Variants in TNFRSF4 observed in about 807,000 individuals in gnomAD.
TNFRSF4 encodes the protein TNF receptor superfamily member 4.
TNFRSF4 carries 21 observed loss-of-function variants against 29.5 expected under a neutral mutation model. That is an observed-to-expected ratio of 0.71 (90% CI 0.51 to 1.03). The LOEUF (loss-of-function observed/expected upper bound fraction) is 1.03, where lower values mean the gene tolerates loss of function less well. Among genes scored for constraint, TNFRSF4 ranks in the 50% least tolerant of loss-of-function variants. The probability of loss-of-function intolerance (pLI) is 0.00; values close to 1 mark genes in which losing one functional copy is unlikely to be tolerated. For missense variants in TNFRSF4, 408 were observed against 387.8 expected, an observed-to-expected ratio of 1.05 and a Z score of -0.44; for synonymous variants, 197 against 172.7, an observed-to-expected ratio of 1.14 and a Z score of -1.10.
At chr1:1,212,560 C>A in intron 4 of TNFRSF4, 78 bp downstream of exon 4, 1 of 696,112 alleles carries the variant, frequency 1.4e-6, no homozygotes, top group Non-Finnish European at 2.1e-6. Context: ...CAGCCCCTCC[C>A]AGCTCCCCAG....
rs979633294 is a variant in TNFRSF4 at position 1,212,198 on chromosome 1, G to A, written c.438-60C>T. The A allele has an allele frequency of 1.9e-6, 3 of 1,580,752 alleles. No individual in the cohort carries two copies. In the African/African-American group the frequency reaches 4.0e-5, roughly 21 times the overall value. ...AACCCCCTGGGACCCGGGAGATGCG[G>A]TGGGGATAACAGGGTCCACGCTGGC... On this transcript the variant is annotated intron_variant, in intron 4 of 6. Coordinates refer to ENST00000379236, the MANE Select transcript of TNFRSF4 (RefSeq NM_003327.4).
In TNFRSF4 at chr1:1,211,357, T is replaced by G; in HGVS notation, c.*198A>C. ...TCGGAGACTCCCGTCTGCCAAGGTT[T>G]TTATTGTGGTCCCGCGGGGCAGGAG... On this transcript the variant is annotated 3_prime_UTR_variant, in exon 7 of 7. Coordinates refer to ENST00000379236, the MANE Select transcript of TNFRSF4 (RefSeq NM_003327.4). 6.3e-6 allele frequency: 3 copies of G among 477,322 alleles called. No homozygotes were observed. Among genetic ancestry groups the G allele is most frequent in the African/African-American group, 2.0e-5 (1 of 49,362 alleles). The allele number at this position is 477,322 out of a possible 1,614,324, so 29.6% of individuals were successfully genotyped here. A position where few individuals can be genotyped will look rare whatever the true frequency, so the allele number is the denominator to read the frequency against.
chr1:1,211,569 G>A lies in TNFRSF4; in HGVS notation c.820C>T (p.Leu274=). The A allele has an allele frequency of 6.6e-7, 1 of 1,510,594 alleles. No individual in the cohort carries two copies. The highest frequency in any genetic ancestry group is 8.8e-7 in the Non-Finnish European group (1 of 1,130,632). 93.6% of individuals were successfully genotyped at this position (1,510,594 alleles called of 1,614,324 possible). ...GTGGGCCCAGGTCAGATCTTGGCCA[G>A]GGTGGAGTGGGCGTCGGCCTGCTCC... ...QEEQADAHST[L]AKI The change falls in exon 7 of 7, where the codon CTG becomes TTG. Residue 274 remains leucine, a synonymous_variant. Transcript: ENST00000379236.
intron 4 of TNFRSF4, 110 bp downstream of exon 4, chr1:1,212,528 G>GGCC: frequency 7.0e-6 from 2 of 284,610 alleles, no homozygotes; most frequent in Non-Finnish European, 1.2e-5. Context: ...CCCCAAAACT[G>GGCC]CCCCCACCCC....
Position 1,213,053 on chromosome 1 carries a change from C to A in TNFRSF4, c.309G>T (p.Gln103His). Residue 103 changes from glutamine (Q) to histidine (H), a missense_variant, in exon 3 of 7, where the codon CAG (glutamine) becomes CAT (histidine). By Grantham distance (24) the Gln-to-His change is conservative (BLOSUM62 0). Coordinates refer to ENST00000379236, the MANE Select transcript of TNFRSF4 (RefSeq NM_003327.4). ...CCGCCCGGCAGCGGCAGACTGTGTC[C>A]TGTGTGGCCGTGCACAGCTGCTTCC... ...SERKQLCTAT[Q>H]DTVCRCRAGT... 1 of 1,611,468 alleles carries A rather than the reference C, an allele frequency of 6.2e-7. No homozygotes were observed. Among genetic ancestry groups the A allele is most frequent in the African/African-American group, 1.3e-5 (1 of 75,056 alleles).
chr1:1,213,806 A>G (rs1004643861), intron 1 of TNFRSF4, 21 bp from the exon 2 acceptor site: 4 of 1,583,098 alleles, frequency 2.5e-6, no homozygotes, highest in Non-Finnish European at 3.4e-6. Context: ...GGCCGGCGTC[A>G]GGCAGCGGTC....
chr1:1,213,705 C>G lies in TNFRSF4; in HGVS notation c.226G>C (p.Val76Leu). 1 of 1,598,330 alleles carries G rather than the reference C, an allele frequency of 6.3e-7. No homozygotes were observed. The highest frequency in any genetic ancestry group is 1.7e-4 in the Middle Eastern group (1 of 6,030). The change falls in exon 2 of 7, where the codon GTC becomes CTC. Residue 76 changes from valine (V) to leucine (L), a missense_variant. Val to Leu is a conservative substitution (Grantham distance 32). Transcript: ENST00000379236. The part of the protein sequence containing the change: ...PCGPGFYNDV[V>L]SSKPCKPCTW... Reference sequence around the variant, plus strand: ...CAGGGCTTGCACGGCTTGGAGCTGACCACGTCGTTGTAGAAGCCCGGCCCG... The same window carrying G: ...CAGGGCTTGCACGGCTTGGAGCTGAGCACGTCGTTGTAGAAGCCCGGCCCG...
chr1:1,213,183 C>T, intron 2 of TNFRSF4, 90 bp from the exon 3 acceptor site: 1 of 1,538,532 alleles, frequency 6.5e-7, no homozygotes, highest in Non-Finnish European at 8.7e-7. Context: ...GGTTGGCCTC[C>T]CCACCACACA....
chr1:1,212,804 G>T, intron 3 of TNFRSF4, 100 bp from the exon 4 acceptor site: 2 of 1,274,324 alleles, frequency 1.6e-6, no homozygotes, highest in Non-Finnish European at 2.1e-6. Flanking sequence ...CCATGGCTGG[G>T]TGGTGGGTTT....
At chr1:1,213,597 G>A (rs1025304010) in intron 2 of TNFRSF4, 66 bp downstream of exon 2, 4 of 1,510,396 alleles carry the variant, frequency 2.6e-6, no homozygotes, top group Non-Finnish European at 3.6e-6. Context: ...CTGCTGCGTG[G>A]GAATGTGGGT....
At chr1:1,211,651 G>A (rs968529227) in intron 6 of TNFRSF4, 26 bp from the exon 7 acceptor site, 33 of 1,565,418 alleles carry the variant, frequency 2.1e-5, no homozygotes, top group Non-Finnish European at 2.9e-5. Context: ...GGAGAGATTG[G>A]TGGGTGGGCC....
At position 1,211,740 on chromosome 1, in the gene TNFRSF4, C is replaced by T; in HGVS notation, c.727G>A (p.Asp243Asn). The T allele has an allele frequency of 6.3e-7, 1 of 1,577,848 alleles. No homozygotes were observed. Among genetic ancestry groups the T allele is most frequent in the Non-Finnish European group, 8.6e-7 (1 of 1,163,264 alleles). ...ILLALYLLRR[D>N]QRLPPDAHKP... Reference sequence around the variant, plus strand: ...TGGGCATCGGGGGGCAGCCTCTGGTCCCTCCGGAGCAGGTACAGGGCCAGC... The same window carrying T: ...TGGGCATCGGGGGGCAGCCTCTGGTTCCTCCGGAGCAGGTACAGGGCCAGC... Residue 243 changes from aspartate (D) to asparagine (N), a missense_variant, in exon 6 of 7, where the codon GAC becomes AAC. Coordinates refer to ENST00000379236, the MANE Select transcript of TNFRSF4 (RefSeq NM_003327.4).
Position 1,213,874 on chromosome 1 carries a change from G to A in TNFRSF4, c.146-89C>T, listed in dbSNP as rs563939699. The A allele has an allele frequency of 1.2e-4, 178 of 1,457,220 alleles. 1 individual carries two copies. The South Asian group carries it at 1.5e-3, about 12-fold the overall frequency. 90.3% of individuals were successfully genotyped at this position (1,457,220 alleles called of 1,614,324 possible). On this transcript the variant is annotated intron_variant, in intron 1 of 6. Transcript: ENST00000379236. ...GGCGGCTCCTCTGCCAGGCTTGGCC[G>A]GCCCCTCACCCGCCCCCTCCCCAGG...
chr1:1,211,946 G>A lies in TNFRSF4; in HGVS notation c.630C>T (p.Pro210=), dbSNP rs781563856. ...GGCTGGGCCAGGCGCCCTTACCCCC[G>A]GGGACCTCCACGGGCCGGGTGGAGG... ...QGPSTRPVEV[P]GGRAVAAILG... Residue 210 remains proline (P), a synonymous_variant, in exon 5 of 7, where the codon CCC becomes CCT. Coordinates refer to ENST00000379236, the MANE Select transcript of TNFRSF4 (RefSeq NM_003327.4). 29 of 1,565,142 alleles carry A rather than the reference G, an allele frequency of 1.9e-5. No homozygotes were observed. Among genetic ancestry groups the A allele is most frequent in the Non-Finnish European group, 2.3e-5 (27 of 1,158,402 alleles).
chr1:1,213,515 C>G (rs34002153), intron 2 of TNFRSF4, 148 bp downstream of exon 2: 7 of 1,464,838 alleles, frequency 4.8e-6, no homozygotes, highest in Non-Finnish European at 6.3e-6. Context: ...CTCAGCTCCT[C>G]GAAGGACCCC....
intron 2 of TNFRSF4, chr1:1,213,455 T>C: frequency 6.6e-7 from 1 of 1,508,306 alleles, no homozygotes; most frequent in Non-Finnish European, 8.8e-7. Flanking sequence ...CCACGTGGCC[T>C]GGGCCGAGTC....
intron 3 of TNFRSF4, 87 bp from the exon 4 acceptor site, chr1:1,212,791 C>A (rs1193765933): frequency 7.7e-7 from 1 of 1,305,050 alleles, no homozygotes; most frequent in Non-Finnish European, 1.0e-6. Flanking sequence ...AGGCACTTGC[C>A]CCCCATGGCT....
At position 1,211,732 on chromosome 1, in the gene TNFRSF4, C is replaced by G. The variant is rs1362233816; in HGVS notation, c.735G>C (p.Arg245Ser). Residue 245 changes from arginine to serine, a missense_variant, in exon 6 of 7, where the codon AGG (arginine) becomes AGC (serine). Transcript: ENST00000379236. ...GGGGCTTGTGGGCATCGGGGGGCAG[C>G]CTCTGGTCCCTCCGGAGCAGGTACA... Reference protein sequence around the residue: ...LALYLLRRDQRLPPDAHKPPG... With the variant: ...LALYLLRRDQSLPPDAHKPPG... 6.3e-7 allele frequency: 1 copy of G among 1,581,798 alleles called. No homozygotes were observed. The highest frequency in any genetic ancestry group is 8.6e-7 in the Non-Finnish European group (1 of 1,165,426).
Position 1,211,556 on chromosome 1 carries a change from C to T in TNFRSF4, c.833G>A (p.Ter278=), listed in dbSNP as rs1649099307. 1 of 1,500,326 alleles carries T rather than the reference C, an allele frequency of 6.7e-7. No homozygotes were observed. Among genetic ancestry groups the T allele is most frequent in the Non-Finnish European group, 8.9e-7 (1 of 1,126,152 alleles). The allele number at this position is 1,500,326 out of a possible 1,614,324, so 92.9% of individuals were successfully genotyped here. The change falls in exon 7 of 7, where the codon TGA becomes TAA. Residue 278 remains the stop codon, a stop_retained_variant. Transcript: ENST00000379236. ...ADAHSTLAKI[*] ...AGCGTCCACCTTGGTGGGCCCAGGT[C>T]AGATCTTGGCCAGGGTGGAGTGGGC...
Sources: allele counts gnomAD v4.1 joint callset, GRCh38; gene constraint gnomAD v4.1.1; transcripts MANE v1.5; gene names NCBI Gene and HGNC (gene_info 2026-07-23, HGNC 2026-07-21).